CRPPA: variants seen among roughly 807,000 people sequenced by gnomAD.
CRPPA encodes the protein D-ribitol-5-phosphate cytidylyltransferase.
A neutral mutation model predicts 52.0 loss-of-function variants in CRPPA; 43 were observed. That is an observed-to-expected ratio of 0.83 (90% CI 0.65 to 1.07). CRPPA has a LOEUF of 1.07. CRPPA is among the 50% of genes least tolerant of loss of function. CRPPA has a pLI of 0.00. For synonymous variants in CRPPA, 250 were observed against 203.5 expected (o/e 1.23, Z -1.94); for missense variants, 629 against 551.7 (o/e 1.14, Z -1.40).
rs192851920 is a variant in CRPPA at position 16,106,935 on chromosome 7, T to C, written c.1252-15136A>G. The stretch of plus-strand genomic sequence containing the variant: ...ACTTGACAAAGAAATAAAAATAATT[T>C]TTAAAAATTAGATAAAAATCCTAGA... On this transcript the variant is annotated intron_variant, in intron 9 of 9. Coordinates refer to ENST00000407010, the MANE Select transcript of CRPPA (RefSeq NM_001101426.4). Among the ~76,000 whole-genome samples the C allele has an allele frequency of 1.7e-3, 262 of 152,052 alleles. 1 individual carries two copies. The highest frequency in any genetic ancestry group is 6.0e-3 in the African/African-American group (247 of 41,492).
At chr7:16,378,635 A>G (rs1190655696) in intron 2 of CRPPA, among the ~76,000 whole-genome samples, 3 of 151,784 alleles carry the variant, frequency 2.0e-5, no homozygotes, top group Non-Finnish European at 4.4e-5. Flanking sequence ...CAGTAATGGG[A>G]TGGCTGGGTC....
At chr7:16,363,108 T>C (rs898107017) in intron 3 of CRPPA, among the ~76,000 whole-genome samples, 2 of 152,140 alleles carry the variant, frequency 1.3e-5, no homozygotes, top group Non-Finnish European at 2.9e-5. Context: ...TCAACTACCA[T>C]CAAAAGGCTG....
intron 9 of CRPPA, among the ~76,000 whole-genome samples, chr7:16,192,314 T>C (rs1781632132): frequency 6.6e-6 from 1 of 152,020 alleles, no homozygotes; most frequent in Non-Finnish European, 1.5e-5. Context: ...CTGAGTGATA[T>C]GTAAGGTTCT....
At chr7:16,290,481 C>A (rs553848407) in intron 5 of CRPPA, among the ~76,000 whole-genome samples, 1 of 151,900 alleles carries the variant, frequency 6.6e-6, no homozygotes, top group South Asian at 2.1e-4. Flanking sequence ...AAATAGAGAA[C>A]CAAGAAATAA....
intron 3 of CRPPA, among the ~76,000 whole-genome samples, chr7:16,310,716 A>C (rs1310759470): frequency 1.3e-5 from 2 of 152,168 alleles, no homozygotes; most frequent in African/African-American, 4.8e-5. Context: ...CCAAAGATGA[A>C]CAACATTGAA....
intron 3 of CRPPA, among the ~76,000 whole-genome samples, chr7:16,366,506 T>C (rs1039007088): frequency 1.3e-5 from 2 of 152,188 alleles, no homozygotes; most frequent in African/African-American, 2.4e-5. Context: ...ATTAGTCTTA[T>C]AGAAACTCAC....
intron 2 of CRPPA, among the ~76,000 whole-genome samples, chr7:16,391,101 G>C (rs1182858378): frequency 6.6e-6 from 1 of 152,096 alleles, no homozygotes; most frequent in Middle Eastern, 3.2e-3. Context: ...CCAAATGCCT[G>C]TTTAACATTT....
At chr7:16,286,117 T>TGC (rs2128419790) in intron 5 of CRPPA, among the ~76,000 whole-genome samples, 1 of 119,260 alleles carries the variant, frequency 8.4e-6, no homozygotes, top group Admixed American at 9.2e-5. Flanking sequence ...TATATATATA[T>TGC]GCCAAAAAGA....
At chr7:16,194,006 G>A (rs927492984) in intron 9 of CRPPA, among the ~76,000 whole-genome samples, 1 of 151,944 alleles carries the variant, frequency 6.6e-6, no homozygotes, top group Non-Finnish European at 1.5e-5. Context: ...AAACACCAAT[G>A]GTGAAAGTTT....
intron 5 of CRPPA, among the ~76,000 whole-genome samples, chr7:16,284,645 T>C (rs1440038379): frequency 1.3e-5 from 2 of 152,150 alleles, no homozygotes; most frequent in African/African-American, 2.4e-5. Flanking sequence ...CAATGGAATA[T>C]ACATTTTGAG....
chr7:16,194,324 A>G (rs749230870), intron 9 of CRPPA, among the ~76,000 whole-genome samples: 1 of 152,150 alleles, frequency 6.6e-6, no homozygotes, highest in African/African-American at 2.4e-5. Context: ...TGGCTCCCTT[A>G]TGACCTGAAA....
intron 9 of CRPPA, among the ~76,000 whole-genome samples, chr7:16,097,446 G>C (rs776163047): frequency 2.0e-5 from 3 of 152,042 alleles, no homozygotes; most frequent in Non-Finnish European, 4.4e-5. Flanking sequence ...CTTATATTTA[G>C]CTATTTCTCT....
At chr7:16,156,849 A>G (rs1264938126) in intron 9 of CRPPA, among the ~76,000 whole-genome samples, 1 of 152,270 alleles carries the variant, frequency 6.6e-6, no homozygotes, top group African/African-American at 2.4e-5. Flanking sequence ...AATTTTTCAT[A>G]CATTTTAGGG....
chr7:16,384,465 T>G (rs10234598), intron 2 of CRPPA, among the ~76,000 whole-genome samples: 1 of 152,182 alleles, frequency 6.6e-6, no homozygotes, highest in African/African-American at 2.4e-5. Flanking sequence ...GCAAAGGGGC[T>G]AGAATTTAAC....
At chr7:16,224,385 A>G (rs745391615) in intron 8 of CRPPA, among the ~76,000 whole-genome samples, 45 of 152,266 alleles carry the variant, frequency 3.0e-4, no homozygotes, top group South Asian at 1.0e-3. Context: ...CTTTCGTCTC[A>G]TTGCAGAGTC....
At chr7:16,306,226 G>A (rs116397355) in intron 4 of CRPPA, among the ~76,000 whole-genome samples, 1 of 152,136 alleles carries the variant, frequency 6.6e-6, no homozygotes, top group Non-Finnish European at 1.5e-5. Context: ...ACATTCACAG[G>A]TGCCACGGAT....
chr7:16,350,353 A>G (rs1921838), intron 3 of CRPPA, among the ~76,000 whole-genome samples: 47,305 of 151,984 alleles, frequency 0.31, 7,737 homozygotes, highest in African/African-American at 0.39. Flanking sequence ...AAACACTAAT[A>G]CGGTAATGGC....
At chr7:16,234,555 T>C (rs1782889788) in intron 8 of CRPPA, among the ~76,000 whole-genome samples, 1 of 152,152 alleles carries the variant, frequency 6.6e-6, no homozygotes, top group Non-Finnish European at 1.5e-5. Flanking sequence ...TCATAAAAAC[T>C]CACAACTACT....
intron 5 of CRPPA, among the ~76,000 whole-genome samples, chr7:16,296,364 T>A (rs1784675291): frequency 6.6e-6 from 1 of 152,098 alleles, no homozygotes; most frequent in Admixed American, 6.5e-5. Flanking sequence ...AGATGTTGAC[T>A]TGAACATAAA....
Sources: allele counts gnomAD v4.1 joint callset (sites outside exome capture counted in the v4.1 genomes callset), GRCh38; gene constraint gnomAD v4.1.1; transcripts MANE v1.5; gene names NCBI Gene and HGNC (gene_info 2026-07-23, HGNC 2026-07-21).